MYO15B: variants seen among roughly 807,000 people sequenced by gnomAD.
MYO15B encodes myosin XVB, also known as myosin XVB pseudogene.
In MYO15B, 207 loss-of-function variants were observed where a neutral mutation model predicts 119.3. The ratio of observed to expected loss-of-function variants is 1.73; its 90% CI spans 1.55 to 1.95. MYO15B has a LOEUF of 1.95. MYO15B is among the 30% of genes most tolerant of loss of function. The pLI is 0.00. For missense variants in MYO15B, 2,264 were observed against 1,203.1 expected (o/e 1.88, Z -13.04); for synonymous variants, 966 against 498.9 (o/e 1.94, Z -12.48).
intron 14 of MYO15B, among the ~76,000 whole-genome samples, chr17:75,601,113 C>T (rs1361794658): frequency 4.6e-5 from 7 of 151,840 alleles, no homozygotes; most frequent in Non-Finnish European, 1.0e-4. Context: ...CTATGTTGGC[C>T]AGGCTGGTCT....
chr17:75,613,942 G>C, intron 29 of MYO15B, 165 bp downstream of exon 29: 1 of 596,112 alleles, frequency 1.7e-6, no homozygotes, highest in Admixed American at 3.0e-5. Context: ...TTAGGAATGA[G>C]GGGCTTGGGA....
Position 75,613,046 on chromosome 17 carries a change from CA to C in MYO15B, c.4805del (p.Gln1602ArgfsTer170). The C allele has an allele frequency of 1.4e-6, 1 of 700,826 alleles. No individual in the cohort carries two copies. The highest frequency in any genetic ancestry group is 2.6e-6 in the Non-Finnish European group (1 of 383,298). 43.4% of individuals were successfully genotyped at this position (700,826 alleles called of 1,614,324 possible). ...GATCATGGGCGCATACCTGGTGCGG[CA>C]GGGGCAGTGCCGGCCAGGGCTGCGG... On this transcript the variant is annotated frameshift_variant, in exon 27 of 64. Transcript: ENST00000645453. LOFTEE classifies it high-confidence loss of function.
At chr17:75,619,851 C>T (rs1422316337) in intron 46 of MYO15B, 28 bp from the exon 47 acceptor site, 2 of 702,068 alleles carry the variant, frequency 2.8e-6, no homozygotes, top group South Asian at 3.0e-5. Flanking sequence ...GGCAAGGTGA[C>T]CTCAGTTCAT....
chr17:75,592,537 A>G (rs543627038), exon 8 of MYO15B: 54 of 607,818 alleles, frequency 8.9e-5, no homozygotes, highest in South Asian at 6.3e-4. Context: ...TACTACCTCA[A>G]CCAGGTCGGG....
At position 75,603,081 on chromosome 17, in the gene MYO15B, A is replaced by C. The variant is rs1008424715; in HGVS notation, c.3891+4A>C. The C allele has an allele frequency of 4.3e-6, 3 of 703,070 alleles. No homozygotes were observed. Among genetic ancestry groups the C allele is most frequent in the Admixed American group, 2.0e-5 (1 of 49,996 alleles). 43.6% of individuals were successfully genotyped at this position (703,070 alleles called of 1,614,324 possible). ...CCTCACCCCTAACCCTGGAAAGGTGAGCTCCCCAGCAACTGGCCTCAGGGC... is the reference window on the plus strand; with the variant it reads ...CCTCACCCCTAACCCTGGAAAGGTGCGCTCCCCAGCAACTGGCCTCAGGGC... On this transcript the variant is annotated splice_donor_region_variant and intron_variant, in intron 18 of 63. Transcript: ENST00000645453.
In MYO15B at chr17:75,619,488, T is replaced by TG. The variant is rs2058574431; in HGVS notation, c.7182+16dup. On this transcript the variant is annotated intron_variant, in intron 45 of 63. Coordinates refer to ENST00000645453, the Ensembl canonical transcript of MYO15B. ...TCTTTCCTGTCTCGGTCAGTGGCGC[T>TG]GGGGTAGGGAGTAGGGATGCCAGGC... 1.4e-6 allele frequency: 1 copy of TG among 700,874 alleles called. No individual in the cohort carries two copies. Among genetic ancestry groups the TG allele is most frequent in the Non-Finnish European group, 2.6e-6 (1 of 384,300 alleles). 43.4% of individuals were successfully genotyped at this position (700,874 alleles called of 1,614,324 possible). A position where few individuals can be genotyped will look rare whatever the true frequency, so the allele number is the denominator to read the frequency against.
chr17:75,609,798 C>T (rs367669218), intron 21 of MYO15B, among the ~76,000 whole-genome samples: 1 of 151,192 alleles, frequency 6.6e-6, no homozygotes, highest in East Asian at 2.0e-4. Context: ...CTCCACCTCC[C>T]AGGTTCAAGT....
chr17:75,588,631 G>A (rs1242248738), exon 1 of MYO15B: 6 of 400,232 alleles, frequency 1.5e-5, no homozygotes, highest in Non-Finnish European at 2.7e-5. Flanking sequence ...CATGGGCTCG[G>A]AAGGGACAAA....
intron 12 of MYO15B, 138 bp downstream of exon 12, chr17:75,595,110 T>G (rs906715010): frequency 1.3e-5 from 8 of 622,570 alleles, no homozygotes; most frequent in Non-Finnish European, 2.3e-5. Context: ...TCAGGGCTCC[T>G]TCTGCATCTG....
chr17:75,611,861 G>A (rs1161811060), intron 24 of MYO15B, 25 bp from the exon 25 acceptor site: 2 of 702,696 alleles, frequency 2.8e-6, no homozygotes, highest in Non-Finnish European at 5.2e-6. Context: ...ATGCTCCTGG[G>A]CTGCCTCCCG....
chr17:75,613,545 C>G, intron 28 of MYO15B, 74 bp downstream of exon 28: 1 of 645,712 alleles, frequency 1.5e-6, no homozygotes, highest in East Asian at 2.7e-5. Context: ...CTCCCTGGAA[C>G]CCCTTCCTGC....
chr17:75,588,850 A>G (rs2056225766), exon 1 of MYO15B: 2 of 398,352 alleles, frequency 5.0e-6, no homozygotes, highest in Admixed American at 8.8e-5. Flanking sequence ...CTTCGAGGAC[A>G]GCTCGCGGGC....
At chr17:75,602,232 T>C (rs1326651223) in intron 15 of MYO15B, 13 of 529,230 alleles carry the variant, frequency 2.5e-5, no homozygotes, top group South Asian at 6.3e-5. Context: ...AGATTTAATA[T>C]GGAGAGACAG....
In MYO15B at chr17:75,618,256, G is replaced by A. The variant is rs148647268; in HGVS notation, c.6987+71G>A. The A allele has an allele frequency of 1.7e-3, 1,173 of 698,450 alleles. 2 individuals carry two copies. Among genetic ancestry groups the A allele is most frequent in the Admixed American group, 2.5e-3 (124 of 49,894 alleles). The allele number at this position is 698,450 out of a possible 1,614,324, so 43.3% of individuals were successfully genotyped here. ...CATCCTTCGTGCCCTTTGTCTAATG[G>A]CTGGGCCAGGTTAACACCACGTAGG... is the stretch of plus-strand genomic sequence containing the variant. On this transcript the variant is annotated intron_variant, in intron 43 of 63. Transcript: ENST00000645453.
At chr17:75,616,771 C>T (rs186975651) in exon 39 of MYO15B, 164 of 703,024 alleles carry the variant, frequency 2.3e-4, no homozygotes, top group South Asian at 1.0e-3. Context: ...TGCCTGTGCC[C>T]GTGCAGCCAT....
At chr17:75,608,377 C>T (rs1163235906) in intron 21 of MYO15B, among the ~76,000 whole-genome samples, 2 of 152,108 alleles carry the variant, frequency 1.3e-5, no homozygotes, top group Non-Finnish European at 2.9e-5. Context: ...AGGTGATCAG[C>T]CTCCCAAAGT....
chr17:75,620,430 G>A (rs1228832536), intron 48 of MYO15B, 37 bp from the exon 49 acceptor site: 3 of 702,512 alleles, frequency 4.3e-6, no homozygotes, highest in Non-Finnish European at 7.8e-6. Context: ...GGGGCAGAGG[G>A]TCCAGTGGGT....
Position 75,619,486 on chromosome 17 carries a change from G to A in MYO15B, c.7182+10G>A, listed in dbSNP as rs140822220. On this transcript the variant is annotated intron_variant, in intron 45 of 63. Transcript: ENST00000645453. Reference sequence around the variant, plus strand: ...CTTCTTTCCTGTCTCGGTCAGTGGCGCTGGGGTAGGGAGTAGGGATGCCAG... The same window carrying A: ...CTTCTTTCCTGTCTCGGTCAGTGGCACTGGGGTAGGGAGTAGGGATGCCAG... 4,298 of 701,270 alleles carry A rather than the reference G, an allele frequency of 6.1e-3. 30 individuals are homozygous for A. Among genetic ancestry groups the A allele is most frequent in the Middle Eastern group, 0.041 (167 of 4,048 alleles). The allele number at this position is 701,270 out of a possible 1,614,324, so 43.4% of individuals were successfully genotyped here. A position where few individuals can be genotyped will look rare whatever the true frequency, so the allele number is the denominator to read the frequency against.
At position 75,625,116 on chromosome 17, in the gene MYO15B, C is replaced by A; in HGVS notation, c.8689-7C>A. 1 of 691,286 alleles carries A rather than the reference C, an allele frequency of 1.4e-6. No homozygotes were observed. Among genetic ancestry groups the A allele is most frequent in the South Asian group, 1.5e-5 (1 of 66,496 alleles). 42.8% of individuals were successfully genotyped at this position (691,286 alleles called of 1,614,324 possible). On this transcript the variant is annotated splice_region_variant and splice_polypyrimidine_tract_variant and intron_variant, in intron 59 of 63. Transcript: ENST00000645453. ...CCGCTGCCCTCCTCACCGTGCTCCC[C>A]GCACAGGTGCTGTGGGACTACCTTC...
Sources: allele counts gnomAD v4.1 joint callset (sites outside exome capture counted in the v4.1 genomes callset), GRCh38; gene constraint gnomAD v4.1.1; transcripts MANE v1.5; gene names NCBI Gene and HGNC (gene_info 2026-07-23, HGNC 2026-07-21).